Variants in ZNF713 observed in about 807,000 individuals in gnomAD.
ZNF713 encodes zinc finger protein 713.
Under a neutral mutation model 28.7 loss-of-function variants are expected in ZNF713, and 21 were observed. The ratio of observed to expected loss-of-function variants is 0.73; its 90% confidence interval spans 0.52 to 1.05. ZNF713 has a LOEUF of 1.05. ZNF713 is among the 50% of genes least tolerant of loss of function. ZNF713 has a pLI of 0.00. For missense variants in ZNF713, 458 were observed against 532.4 expected (o/e 0.86, Z 1.37); for synonymous variants, 167 against 178.0 (o/e 0.94, Z 0.49).
intron 1 of ZNF713, among the ~76,000 whole-genome samples, chr7:55,888,280 T>C (rs1261891751): frequency 1.3e-5 from 2 of 152,250 alleles, no homozygotes; most frequent in African/African-American, 4.8e-5. Flanking sequence ...TACCTTTTTC[T>C]CTCATTGCCT....
In ZNF713 at chr7:55,887,676, C is replaced by G. The variant is rs539438506; in HGVS notation, c.-587C>G. The G allele has an allele frequency of 5.8e-3, 851 of 146,944 alleles. 105 individuals carry two copies. The highest frequency in any genetic ancestry group is 0.056 in the Admixed American group (762 of 13,650). 9.1% of individuals were successfully genotyped at this position (146,944 alleles called of 1,614,324 possible). On this transcript the variant is annotated 5_prime_UTR_variant, in exon 1 of 7. Coordinates refer to ENST00000429591, the MANE Select transcript of ZNF713 (RefSeq NM_182633.3). ...AGCCTGCCGAAGCGCCCTTTGTCTG[C>G]GGAGGTGAGTGCGCGCCGGGAGGAG...
At chr7:55,932,349 G>A (rs1188541304) in intron 6 of ZNF713, among the ~76,000 whole-genome samples, 1 of 149,330 alleles carries the variant, frequency 6.7e-6, no homozygotes, top group African/African-American at 2.5e-5. Flanking sequence ...GGCAATGTAG[G>A]GAGACTTCGT....
At position 55,932,961 on chromosome 7, in the gene ZNF713, G is replaced by T. The variant is rs1304820854; in HGVS notation, c.308-6021G>T. ...GTTAAAAATACTTTGGTACTGACTG[G>T]GTGCGGTGGCTCACACCTACAATCC... On this transcript the variant is annotated intron_variant, in intron 6 of 6. Coordinates refer to ENST00000429591, the MANE Select transcript of ZNF713 (RefSeq NM_182633.3). 4.0e-5 allele frequency among the ~76,000 whole-genome samples: 6 copies of T among 151,158 alleles called. No individual in the cohort carries two copies. In the East Asian group the frequency reaches 1.2e-3, roughly 30 times the overall value.
intron 3 of ZNF713, 133 bp downstream of exon 3, chr7:55,912,201 AG>A (rs1464027397): frequency 6.4e-6 from 1 of 156,170 alleles, no homozygotes; most frequent in Non-Finnish European, 1.4e-5. Flanking sequence ...ATAAAGAGTA[AG>A]AATGGACCCT....
Position 55,911,716 on chromosome 7 carries a change from A to G in ZNF713, c.-355A>G, listed in dbSNP as rs953779435. 1 of 151,490 alleles carries G rather than the reference A, an allele frequency of 6.6e-6. No individual in the cohort carries two copies. Among genetic ancestry groups the G allele is most frequent in the Non-Finnish European group, 1.5e-5 (1 of 67,850 alleles). The allele number at this position is 151,490 out of a possible 1,614,324, so 9.4% of individuals were successfully genotyped here. ...TGAAGAAATGATGCTTTTAGGGAGG[A>G]AAAAAAAAGGTAATAACAACCTTCA... On this transcript the variant is annotated 5_prime_UTR_variant, in exon 3 of 7. Coordinates refer to ENST00000429591, the MANE Select transcript of ZNF713 (RefSeq NM_182633.3).
chr7:55,920,987 G>GT (rs1785981129), intron 4 of ZNF713, among the ~76,000 whole-genome samples: 1 of 152,042 alleles, frequency 6.6e-6, no homozygotes, highest in Non-Finnish European at 1.5e-5. Flanking sequence ...GACTTCTTTT[G>GT]TTAAGGGATA....
intron 1 of ZNF713, among the ~76,000 whole-genome samples, chr7:55,902,220 A>G (rs957202491): frequency 1.3e-5 from 2 of 152,244 alleles, no homozygotes; most frequent in East Asian, 1.9e-4. Flanking sequence ...AAGAATGTCA[A>G]TATATAAGAA....
At chr7:55,896,660 T>C (rs1393029830) in intron 1 of ZNF713, among the ~76,000 whole-genome samples, 1 of 151,598 alleles carries the variant, frequency 6.6e-6, no homozygotes, top group Non-Finnish European at 1.5e-5. Flanking sequence ...ACATGGTTAG[T>C]GTGTATATAT....
rs1786478213 is a variant in ZNF713, at chr7:55,941,952, A to C, written c.*1946A>C. The C allele has an allele frequency of 6.6e-6, 1 of 152,192 alleles. No homozygotes were observed. Among genetic ancestry groups the C allele is most frequent in the African/African-American group, 2.4e-5 (1 of 41,456 alleles). The allele number at this position is 152,192 out of a possible 1,614,324, so 9.4% of individuals were successfully genotyped here. On this transcript the variant is annotated 3_prime_UTR_variant, in exon 7 of 7. Coordinates refer to ENST00000429591, the MANE Select transcript of ZNF713 (RefSeq NM_182633.3). ...GAACTTTGAAATATTGATTCAGAGA[A>C]GTCTGCTTTTCTATTTTGTTTTAGC...
At chr7:55,917,260 GAAA>G (rs138528824) in intron 4 of ZNF713, among the ~76,000 whole-genome samples, 1 of 139,852 alleles carries the variant, frequency 7.2e-6, no homozygotes, top group Non-Finnish European at 1.6e-5. Flanking sequence ...CATCTGCATG[GAAA>G]AAAAAAAACA....
chr7:55,927,896 C>CAAAAAAAAAAAAAAA lies in ZNF713; in HGVS notation c.307+4207_307+4221dup, dbSNP rs71533249. Among the ~76,000 whole-genome samples, 31 of 44,932 alleles carry CAAAAAAAAAAAAAAA rather than the reference C, an allele frequency of 6.9e-4. 8 individuals are homozygous for CAAAAAAAAAAAAAAA. Among genetic ancestry groups the CAAAAAAAAAAAAAAA allele is most frequent in the East Asian group, 4.7e-3 (5 of 1,072 alleles). The allele number at this position is 44,932 out of a possible 152,430, so 29.5% of individuals were successfully genotyped here. A position where few individuals can be genotyped will look rare whatever the true frequency, so the allele number is the denominator to read the frequency against. ...TGGGTGACAGAGCAAGACTCTGTCT[C>CAAAAAAAAAAAAAAA]AAAAAAAAAAAAAAAAAAAAAAAAG... On this transcript the variant is annotated intron_variant, in intron 6 of 6. Coordinates refer to ENST00000429591, the MANE Select transcript of ZNF713 (RefSeq NM_182633.3).
rs762280717 is a variant in ZNF713, at chr7:55,912,709, A to G, written c.73A>G (p.Met25Val). 1.2e-6 allele frequency: 2 copies of G among 1,613,290 alleles called. No individual in the cohort carries two copies. Among genetic ancestry groups the G allele is most frequent in the African/African-American group, 1.3e-5 (1 of 74,934 alleles). ...GGAAGAAATGAATGATGGCTCACAGATGGTGAGATCTCAGGTAAGTTCAGT... is the reference window on the plus strand; with the variant it reads ...GGAAGAAATGAATGATGGCTCACAGGTGGTGAGATCTCAGGTAAGTTCAGT... ...EEEEMNDGSQ[M>V]VRSQESLTFQ... Residue 25 changes from methionine to valine, a missense_variant, in exon 4 of 7, where the codon ATG (methionine) becomes GTG (valine). By Grantham distance (21) the Met-to-Val change is conservative. Coordinates refer to ENST00000429591, the MANE Select transcript of ZNF713 (RefSeq NM_182633.3).
At chr7:55,909,415 G>C (rs765477008) in intron 2 of ZNF713, among the ~76,000 whole-genome samples, 3 of 152,090 alleles carry the variant, frequency 2.0e-5, no homozygotes, top group Non-Finnish European at 4.4e-5. Flanking sequence ...TTTTGTACCA[G>C]TACCATGCTA....
chr7:55,914,371 T>G (rs1277704889), intron 4 of ZNF713, among the ~76,000 whole-genome samples: 4 of 152,080 alleles, frequency 2.6e-5, no homozygotes, highest in Admixed American at 2.0e-4. Context: ...TGTTTTTTGT[T>G]TTTTGTAGAG....
intron 1 of ZNF713, among the ~76,000 whole-genome samples, chr7:55,898,474 C>A (rs1164747514): frequency 1.3e-5 from 2 of 152,190 alleles, no homozygotes; most frequent in Non-Finnish European, 2.9e-5. Flanking sequence ...AGGAAACTTA[C>A]AAGCATGGCA....
chr7:55,897,609 G>C (rs753843997), intron 1 of ZNF713, among the ~76,000 whole-genome samples: 2 of 152,072 alleles, frequency 1.3e-5, no homozygotes, highest in Non-Finnish European at 2.9e-5. Context: ...TAGCCTTAAA[G>C]TATCTTCCCC....
At chr7:55,920,809 C>CG (rs1331622234) in intron 4 of ZNF713, among the ~76,000 whole-genome samples, 1 of 151,756 alleles carries the variant, frequency 6.6e-6, no homozygotes, top group Non-Finnish European at 1.5e-5. Context: ...TTAGTAGAGA[C>CG]GGGGTTTCAC....
intron 6 of ZNF713, among the ~76,000 whole-genome samples, chr7:55,937,131 T>G (rs549553763): frequency 7.2e-5 from 11 of 152,134 alleles, no homozygotes; most frequent in Non-Finnish European, 1.3e-4. Flanking sequence ...AAACCCTGTC[T>G]CTACTAAAAA....
intron 3 of ZNF713, among the ~76,000 whole-genome samples, chr7:55,912,350 G>A (rs1785799871): frequency 6.6e-6 from 1 of 152,184 alleles, no homozygotes; most frequent in African/African-American, 2.4e-5. Flanking sequence ...TGTAGGGGCT[G>A]AACACTGGCT....
Sources: allele counts gnomAD v4.1 joint callset (sites outside exome capture counted in the v4.1 genomes callset), GRCh38; gene constraint gnomAD v4.1.1; transcripts MANE v1.5; gene names NCBI Gene and HGNC (gene_info 2026-07-23, HGNC 2026-07-21).